Variants in CREBBP observed in about 807,000 individuals in gnomAD.
CREBBP encodes CREB-binding protein.
Under a neutral mutation model 265.0 loss-of-function variants are expected in CREBBP, and 19 were observed. That is an observed-to-expected ratio of 0.07 (90% CI 0.05 to 0.11). CREBBP has a LOEUF of 0.11. CREBBP is among the 10% of genes least tolerant of loss of function. CREBBP has a pLI of 1.00. For missense variants in CREBBP, 2,525 were observed against 3,219.0 expected, an observed-to-expected ratio of 0.78 and a Z score of 5.22; for synonymous variants, 1,457 against 1,223.7, an observed-to-expected ratio of 1.19 and a Z score of -3.98.
rs2141198327 is a variant in CREBBP at position 3,770,568 on chromosome 16, A to G, written c.2880+2T>C. ...AAAAACAGCAGAGACAGAGAGGCTT[A>G]CCGGTGTGCCAGGAGGCTGGGCGTG... is the stretch of plus-strand genomic sequence containing the variant. On this transcript the variant is annotated splice_donor_variant, in intron 14 of 30. Coordinates refer to ENST00000262367, the MANE Select transcript of CREBBP (RefSeq NM_004380.3). LOFTEE classifies it high-confidence loss of function. 1 of 1,612,818 alleles carries G rather than the reference A, an allele frequency of 6.2e-7. No homozygotes were observed. The highest frequency in any genetic ancestry group is 8.5e-7 in the Non-Finnish European group (1 of 1,179,952).
At position 3,728,153 on chromosome 16, in the gene CREBBP, T is replaced by C; in HGVS notation, c.6894A>G (p.Gln2298=). ...QQALQQRILQ[Q]QQMKQQIGSP... is the part of the protein sequence containing the mutation. ...ACCCAATCTGCTGCTTCATCTGCTG[T>C]TGCTGCAGAATCCGCTGCTGCAGGG... is the stretch of plus-strand genomic sequence containing the variant. The change falls in exon 31 of 31, where the codon CAA becomes CAG. Residue 2298 remains glutamine (Q), a synonymous_variant. Coordinates refer to ENST00000262367, the MANE Select transcript of CREBBP (RefSeq NM_004380.3). This position sits in a 1 kb window ranked among gnomAD's most constrained non-coding sequence, Gnocchi z 8.7. 1 of 1,614,150 alleles carries C rather than the reference T, an allele frequency of 6.2e-7. No homozygotes were observed. Among genetic ancestry groups the C allele is most frequent in the Non-Finnish European group, 8.5e-7 (1 of 1,180,016 alleles).
chr16:3,756,366 C>T lies in CREBBP; in HGVS notation c.3698+922G>A, dbSNP rs180932644. ...GCAGCGGCACATGGACACTTACACG[C>T]TGCGGTACAGATAAGCTGACTTCTC... On this transcript the variant is annotated intron_variant, in intron 19 of 30. Transcript: ENST00000262367. Among the ~76,000 whole-genome samples, 16 of 152,372 alleles carry T rather than the reference C, an allele frequency of 1.1e-4. 1 individual carries two copies. The highest frequency in any genetic ancestry group is 1.0e-3 in the Admixed American group (16 of 15,314).
intron 5 of CREBBP, among the ~76,000 whole-genome samples, chr16:3,789,233 A>G (rs952818854): frequency 7.2e-5 from 11 of 152,204 alleles, no homozygotes; most frequent in Non-Finnish European, 5.9e-5. Flanking sequence ...GGGTCTCGGC[A>G]GAGTCCCTGA....
intron 3 of CREBBP, among the ~76,000 whole-genome samples, chr16:3,799,728 T>C (rs2053675433): frequency 6.6e-6 from 1 of 152,122 alleles, no homozygotes; most frequent in Admixed American, 6.6e-5. Flanking sequence ...GAGGCACCCA[T>C]GAAAAATAAG....
chr16:3,834,799 G>GA (rs2141425926), intron 2 of CREBBP, among the ~76,000 whole-genome samples: 1 of 152,202 alleles, frequency 6.6e-6, no homozygotes, highest in Non-Finnish European at 1.5e-5. Context: ...GGAATAGATG[G>GA]AAAATCTCTG....
chr16:3,763,262 C>T (rs1238806084), intron 16 of CREBBP, among the ~76,000 whole-genome samples: 3 of 151,912 alleles, frequency 2.0e-5, no homozygotes, highest in Non-Finnish European at 4.4e-5. Flanking sequence ...CTCAAGCAAC[C>T]CTCCTAATTC....
At position 3,726,239 on chromosome 16, in the gene CREBBP, C is replaced by CG. The variant is rs879026614; in HGVS notation, c.*1478dup. On this transcript the variant is annotated 3_prime_UTR_variant, in exon 31 of 31. Coordinates refer to ENST00000262367, the MANE Select transcript of CREBBP (RefSeq NM_004380.3). ...TGCCTCAGATTCTGGGAGTCGTGTACGGGGGGGGGGAGCCGCCTGAACACG... is the reference window on the plus strand; with the variant it reads ...TGCCTCAGATTCTGGGAGTCGTGTACGGGGGGGGGGGAGCCGCCTGAACACG... 0.07 allele frequency: 11,630 copies of CG among 166,082 alleles called. 222 individuals carry two copies. The highest frequency in any genetic ancestry group is 0.14 in the Middle Eastern group (79 of 550). 10.3% of individuals were successfully genotyped at this position (166,082 alleles called of 1,614,324 possible).
chr16:3,865,095 G>C (rs895629629), intron 1 of CREBBP, among the ~76,000 whole-genome samples: 1 of 152,192 alleles, frequency 6.6e-6, no homozygotes, highest in African/African-American at 2.4e-5. Context: ...ATCTAGCAAT[G>C]TATACCTGGA....
Position 3,879,234 on chromosome 16 carries a change from G to GCGCGCACA in CREBBP, c.85+597_85+598insTGTGCGCG, listed in dbSNP as rs1249627930. Reference sequence around the variant, plus strand: ...TAGTTGACTAAAAACACACACGCGCGCACACACACACACACACACACACAC... The same window carrying GCGCGCACA: ...TAGTTGACTAAAAACACACACGCGCGCGCGCACACACACACACACACACACACACACAC... On this transcript the variant is annotated intron_variant, in intron 1 of 30. Coordinates refer to ENST00000262367, the MANE Select transcript of CREBBP (RefSeq NM_004380.3). Among the ~76,000 whole-genome samples, 358 of 150,838 alleles carry GCGCGCACA rather than the reference G, an allele frequency of 2.4e-3. 4 individuals carry two copies. Among genetic ancestry groups the GCGCGCACA allele is most frequent in the African/African-American group, 8.3e-3 (342 of 41,132 alleles).
In CREBBP at chr16:3,731,036, G is replaced by A. The variant is rs149195164; in HGVS notation, c.5172+156C>T. Among the ~76,000 whole-genome samples the A allele has an allele frequency of 1.1e-4, 17 of 152,346 alleles. No homozygotes were observed. In the East Asian group the frequency reaches 3.3e-3, roughly 29 times the overall value. On this transcript the variant is annotated intron_variant, in intron 30 of 30. Transcript: ENST00000262367. This position sits in a 1 kb window ranked among gnomAD's most constrained non-coding sequence, Gnocchi z 7.7. ...AGCAGGTTTAGGAAACACACACACA[G>A]CAACGCCTTCTGCCTTGTGACGCTG...
At chr16:3,750,672 G>A (rs531547171) in intron 20 of CREBBP, among the ~76,000 whole-genome samples, 2 of 152,328 alleles carry the variant, frequency 1.3e-5, no homozygotes, top group South Asian at 4.1e-4. Context: ...CTGTGCAGGA[G>A]TGAACTAACA....
rs576635357 is a variant in CREBBP, at chr16:3,825,069, G to T, written c.799-14290C>A. Among the ~76,000 whole-genome samples, 12 of 152,254 alleles carry T rather than the reference G, an allele frequency of 7.9e-5. No individual in the cohort carries two copies. In the South Asian group the frequency reaches 2.5e-3, roughly 32 times the overall value. ...ACAGAAAATCTCTAACATGAGACAG[G>T]ATTCTATAAAATGAACAGACTTTCT... On this transcript the variant is annotated intron_variant, in intron 2 of 30. Coordinates refer to ENST00000262367, the MANE Select transcript of CREBBP (RefSeq NM_004380.3).
chr16:3,842,854 TACTC>T (rs759103230), intron 2 of CREBBP, among the ~76,000 whole-genome samples: 4 of 150,190 alleles, frequency 2.7e-5, no homozygotes, highest in African/African-American at 7.4e-5. Context: ...TAATCCCAGA[TACTC>T]AGGAGGCTGA....
chr16:3,750,041 C>A (rs76447783), intron 20 of CREBBP, among the ~76,000 whole-genome samples: 1 of 152,104 alleles, frequency 6.6e-6, no homozygotes, highest in African/African-American at 2.4e-5. Flanking sequence ...GCATGCACCA[C>A]CAGGACTGGC....
intron 2 of CREBBP, among the ~76,000 whole-genome samples, chr16:3,843,226 C>T (rs1222417680): frequency 6.6e-6 from 1 of 152,192 alleles, no homozygotes; most frequent in Non-Finnish European, 1.5e-5. Flanking sequence ...GCAGCCTCCA[C>T]TTCTTAATCT....
intron 4 of CREBBP, 27 bp downstream of exon 4, chr16:3,793,359 A>G (rs1252650716): frequency 1.2e-6 from 2 of 1,613,380 alleles, no homozygotes; most frequent in Admixed American, 1.7e-5. Flanking sequence ...GACCTCTACC[A>G]CTAGGAGTTC....
chr16:3,850,000 T>C (rs746264789), intron 2 of CREBBP, among the ~76,000 whole-genome samples: 2 of 152,242 alleles, frequency 1.3e-5, no homozygotes, highest in Admixed American at 1.3e-4. Flanking sequence ...ACCTCCTCAG[T>C]GGGCAGTACA....
At chr16:3,748,311 T>C (rs1457679204) in intron 21 of CREBBP, among the ~76,000 whole-genome samples, 3 of 150,142 alleles carry the variant, frequency 2.0e-5, no homozygotes, top group African/African-American at 7.4e-5. Context: ...AAAGTAGATA[T>C]AAATAATAAT....
chr16:3,736,006 G>A (rs200074220), intron 28 of CREBBP, 30 bp downstream of exon 28: 2 of 1,614,158 alleles, frequency 1.2e-6, no homozygotes, highest in East Asian at 2.2e-5. Flanking sequence ...CGGGACACGT[G>A]GGCAATGGAG....
Sources: gnomAD v4.1 joint callset for allele counts (sites outside exome capture counted in the v4.1 genomes callset) on GRCh38, gnomAD v4.1.1 for gene constraint, Gnocchi (gnomAD v3.1) non-coding constraint, MANE v1.5 for transcripts, NCBI Gene and HGNC (gene_info 2026-07-23, HGNC 2026-07-21) for gene names.